PBX3: variants seen among roughly 807,000 people sequenced by gnomAD.
PBX3 encodes PBX homeobox 3.
In PBX3, 14 loss-of-function variants were observed where a neutral mutation model predicts 48.5. The ratio of observed to expected loss-of-function variants is 0.29; its 90% CI spans 0.19 to 0.45. PBX3 has a LOEUF of 0.45. Among genes scored for constraint, PBX3 ranks in the 20% least tolerant of loss-of-function variants. The probability of loss-of-function intolerance (pLI) is 1.00; values close to 1 mark genes in which losing one functional copy is unlikely to be tolerated. For missense variants in PBX3, 386 were observed against 546.7 expected (o/e 0.71, Z 2.93); for synonymous variants, 210 against 200.3 (o/e 1.05, Z -0.41).
intron 2 of PBX3, among the ~76,000 whole-genome samples, chr9:125,864,875 C>A (rs1839944669): frequency 6.6e-6 from 1 of 152,158 alleles, no homozygotes; most frequent in South Asian, 2.1e-4. Context: ...ATAGAAGACA[C>A]AGATAGGAAA....
chr9:125,814,526 A>T (rs1006647489), intron 2 of PBX3, among the ~76,000 whole-genome samples: 1 of 152,312 alleles, frequency 6.6e-6, no homozygotes, highest in East Asian at 1.9e-4. Flanking sequence ...GAATAGTGAA[A>T]ATGTTTCCCA....
At chr9:125,928,258 C>T (rs1013228784) in intron 3 of PBX3, among the ~76,000 whole-genome samples, 2 of 151,732 alleles carry the variant, frequency 1.3e-5, no homozygotes, top group Non-Finnish European at 2.9e-5. Flanking sequence ...ACATGCCTGT[C>T]GTCACAGCTA....
chr9:125,935,734 A>G, intron 5 of PBX3, 127 bp downstream of exon 5: 1 of 972,836 alleles, frequency 1.0e-6, no homozygotes, highest in Non-Finnish European at 1.5e-6. Context: ...AGGAAAATGT[A>G]GATATTTCCA....
chr9:125,781,348 T>G (rs1837302285), intron 2 of PBX3, among the ~76,000 whole-genome samples: 1 of 151,376 alleles, frequency 6.6e-6, no homozygotes, highest in South Asian at 2.1e-4. Flanking sequence ...CGAAACCCCG[T>G]CTCCACCAAA....
intron 2 of PBX3, among the ~76,000 whole-genome samples, chr9:125,914,798 G>A (rs557877893): frequency 4.6e-5 from 7 of 152,290 alleles, no homozygotes; most frequent in Non-Finnish European, 7.4e-5. Context: ...TGACTCCAAT[G>A]CTTTTTATAC....
At chr9:125,749,140 G>A (rs1836294823) in intron 2 of PBX3, 1 of 157,048 alleles carries the variant, frequency 6.4e-6, no homozygotes, top group African/African-American at 2.4e-5. Context: ...TCGAGGAAGG[G>A]TAATGATGTG....
intron 2 of PBX3, among the ~76,000 whole-genome samples, chr9:125,859,364 T>C (rs545293635): frequency 7.8e-4 from 119 of 152,334 alleles, no homozygotes; most frequent in African/African-American, 2.8e-3. Context: ...GCCATTGATA[T>C]GCTTCAGAGG....
intron 5 of PBX3, among the ~76,000 whole-genome samples, chr9:125,936,349 T>G (rs913020390): frequency 6.6e-6 from 1 of 152,232 alleles, no homozygotes; most frequent in Non-Finnish European, 1.5e-5. Flanking sequence ...CAATTTTGTA[T>G]AAATGTTCAT....
chr9:125,840,429 T>G (rs1222975389), intron 2 of PBX3, among the ~76,000 whole-genome samples: 2 of 151,668 alleles, frequency 1.3e-5, no homozygotes. Context: ...AGTAACATAT[T>G]TTTTTCTGGC....
chr9:125,775,236 T>C (rs1231642842), intron 2 of PBX3, among the ~76,000 whole-genome samples: 1 of 152,238 alleles, frequency 6.6e-6, no homozygotes, highest in Admixed American at 6.5e-5. Flanking sequence ...TGAGTGTGAA[T>C]TGATATCTCA....
intron 2 of PBX3, among the ~76,000 whole-genome samples, chr9:125,815,628 CTTAA>C (rs1489107019): frequency 2.0e-5 from 3 of 152,104 alleles, no homozygotes; most frequent in African/African-American, 7.2e-5. Flanking sequence ...GATATTACCT[CTTAA>C]TTATTTTTGG....
intron 2 of PBX3, among the ~76,000 whole-genome samples, chr9:125,757,541 A>T (rs1836552357): frequency 6.8e-6 from 1 of 147,614 alleles, no homozygotes; most frequent in Non-Finnish European, 1.6e-5. Context: ...AATATCTTTA[A>T]TTAAACCTAG....
intron 2 of PBX3, among the ~76,000 whole-genome samples, chr9:125,834,074 G>C (rs1173680816): frequency 6.6e-6 from 1 of 152,192 alleles, no homozygotes; most frequent in Admixed American, 6.5e-5. Context: ...ATACAGCAAT[G>C]ACTATGGCTG....
Position 125,759,335 on chromosome 9 carries a change from A to G in PBX3, c.274+10712A>G, listed in dbSNP as rs2131970035. The stretch of plus-strand genomic sequence containing the variant: ...TGTTGTTAAAGTGGCCCCTAGTGAT[A>G]GTGCTGCAGTGACTAGATAGAGCAG... On this transcript the variant is annotated intron_variant, in intron 2 of 8. Coordinates refer to ENST00000373489, the MANE Select transcript of PBX3 (RefSeq NM_006195.6). This position sits in a 1 kb window ranked among gnomAD's most constrained non-coding sequence, Gnocchi z 4.2. Among the ~76,000 whole-genome samples the G allele has an allele frequency of 6.6e-6, 1 of 152,316 alleles. No individual in the cohort carries two copies.
intron 8 of PBX3, among the ~76,000 whole-genome samples, chr9:125,964,464 C>T (rs1054837268): frequency 1.3e-4 from 19 of 151,116 alleles, no homozygotes; most frequent in Non-Finnish European, 2.2e-4. Flanking sequence ...ATGGGCATGT[C>T]ATTAGCCAAC....
intron 2 of PBX3, among the ~76,000 whole-genome samples, chr9:125,782,358 A>G (rs559957186): frequency 1.5e-4 from 23 of 152,262 alleles, no homozygotes; most frequent in Admixed American, 9.2e-4. Flanking sequence ...CCCTCCCACA[A>G]CATGTGGGAA....
At chr9:125,786,812 C>A (rs1327138559) in intron 2 of PBX3, among the ~76,000 whole-genome samples, 1 of 151,686 alleles carries the variant, frequency 6.6e-6, no homozygotes. Context: ...GCAACCTCTG[C>A]CTCCTGGGTT....
At chr9:125,849,325 C>T (rs1451407372) in intron 2 of PBX3, among the ~76,000 whole-genome samples, 2 of 150,918 alleles carry the variant, frequency 1.3e-5, no homozygotes, top group Non-Finnish European at 3.0e-5. Context: ...AGCAGCATAT[C>T]CATAAGGAAT....
At chr9:125,834,382 A>G (rs1839057521) in intron 2 of PBX3, among the ~76,000 whole-genome samples, 1 of 151,964 alleles carries the variant, frequency 6.6e-6, no homozygotes, top group Non-Finnish European at 1.5e-5. Flanking sequence ...AGAATGGATC[A>G]ATTATTTTTA....
Sources: gnomAD v4.1 joint callset for allele counts (sites outside exome capture counted in the v4.1 genomes callset) on GRCh38, gnomAD v4.1.1 for gene constraint, Gnocchi (gnomAD v3.1) non-coding constraint, MANE v1.5 for transcripts, NCBI Gene and HGNC (gene_info 2026-07-23, HGNC 2026-07-21) for gene names.